RAB3IP: variants seen among roughly 807,000 people sequenced by gnomAD.
RAB3IP encodes the protein RAB3A interacting protein.
RAB3IP carries 36 observed loss-of-function variants against 59.1 expected under a neutral mutation model. The observed-to-expected ratio is 0.61, with a 90% CI of 0.47 to 0.80. The LOEUF (loss-of-function observed/expected upper bound fraction) is 0.80, where lower values mean the gene tolerates loss of function less well. Among genes scored for constraint, RAB3IP ranks in the 30% least tolerant of loss-of-function variants. RAB3IP has a pLI of 0.00. For synonymous variants in RAB3IP, 207 were observed against 191.2 expected, an observed-to-expected ratio of 1.08 and a Z score of -0.68; for missense variants, 511 against 536.0, an observed-to-expected ratio of 0.95 and a Z score of 0.46.
intron 1 of RAB3IP, chr12:69,739,791 T>C: frequency 6.2e-7 from 1 of 1,610,326 alleles, no homozygotes; most frequent in Non-Finnish European, 8.5e-7. Context: ...GCTTACTGGC[T>C]CCAGAAGTGA....
chr12:69,802,136 A>G (rs998113131), intron 8 of RAB3IP, among the ~76,000 whole-genome samples: 16 of 151,866 alleles, frequency 1.1e-4, no homozygotes, highest in Non-Finnish European at 4.4e-5. Flanking sequence ...TTAGTGGGTC[A>G]TAAGTAGAAT....
Position 69,784,799 on chromosome 12 carries a change from C to A in RAB3IP, c.590C>A (p.Thr197Lys). ...CTTGGACAGGAATTGGAAGAACTCA[C>A]AGCTAGTCTATTTGAGGTTGGTCTA... ...DQLGQELEELTASLFEEAHKM... is the reference protein window; with the variant it reads ...DQLGQELEELKASLFEEAHKM... The change falls in exon 4 of 11, where the codon ACA (threonine) becomes AAA (lysine). Residue 197 changes from threonine to lysine, a missense_variant. Coordinates refer to ENST00000247833, the MANE Select transcript of RAB3IP (RefSeq NM_022456.5). 6.2e-7 allele frequency: 1 copy of A among 1,604,868 alleles called. No individual in the cohort carries two copies. The highest frequency in any genetic ancestry group is 8.5e-7 in the Non-Finnish European group (1 of 1,173,732).
intron 8 of RAB3IP, among the ~76,000 whole-genome samples, chr12:69,804,141 T>G (rs527546124): frequency 1.3e-5 from 2 of 152,042 alleles, no homozygotes; most frequent in Admixed American, 1.3e-4. Context: ...CCTATTTCTC[T>G]ACATCCTCTC....
At chr12:69,793,942 C>T (rs983491847) in intron 4 of RAB3IP, among the ~76,000 whole-genome samples, 3 of 152,180 alleles carry the variant, frequency 2.0e-5, no homozygotes, top group African/African-American at 7.2e-5. Flanking sequence ...TTGCTCTTCA[C>T]AAAATTGTCA....
intron 3 of RAB3IP, among the ~76,000 whole-genome samples, chr12:69,782,989 G>A (rs958148793): frequency 6.6e-6 from 1 of 152,042 alleles, no homozygotes; most frequent in African/African-American, 2.4e-5. Flanking sequence ...ACTTAAAAAT[G>A]TTACTTCATT....
At chr12:69,752,204 A>G (rs1001946292) in intron 1 of RAB3IP, among the ~76,000 whole-genome samples, 4 of 151,222 alleles carry the variant, frequency 2.6e-5, no homozygotes, top group African/African-American at 7.3e-5. Context: ...AGATCTCACT[A>G]TGTTGCCCAG....
rs1206830839 is a variant in RAB3IP, at chr12:69,749,347, TCTC to T, written c.-25-6032_-25-6030del. 3.5e-4 allele frequency among the ~76,000 whole-genome samples: 54 copies of T among 152,188 alleles called. 1 individual carries two copies. The highest frequency in any genetic ancestry group is 1.3e-3 in the African/African-American group (52 of 41,428). ...GTGGAACAGTTTCATCCCGAAACCA[TCTC>T]CTCCCACCCTCTGCCCTGTCTGTGG... On this transcript the variant is annotated intron_variant, in intron 1 of 10. Coordinates refer to ENST00000247833, the MANE Select transcript of RAB3IP (RefSeq NM_022456.5).
rs1015996649 is a variant in RAB3IP, at chr12:69,822,328, A to G, written c.*6882A>G. ...TTTGCAGTAGCTTCTTAAACTGCTT[A>G]AACTTTGGATATTGCCCCAGCCAAC... On this transcript the variant is annotated 3_prime_UTR_variant, in exon 11 of 11. Coordinates refer to ENST00000247833, the MANE Select transcript of RAB3IP (RefSeq NM_022456.5). The G allele has an allele frequency of 6.6e-6, 1 of 152,202 alleles. No homozygotes were observed. The highest frequency in any genetic ancestry group is 1.5e-5 in the Non-Finnish European group (1 of 68,046). 9.4% of individuals were successfully genotyped at this position (152,202 alleles called of 1,614,324 possible).
intron 8 of RAB3IP, among the ~76,000 whole-genome samples, chr12:69,807,198 G>C (rs57610564): frequency 4.8e-5 from 7 of 145,510 alleles, no homozygotes; most frequent in East Asian, 2.1e-4. Flanking sequence ...ATCCCAGACA[G>C]TGGGCGGCCA....
chr12:69,751,162 C>T (rs879507195), intron 1 of RAB3IP, among the ~76,000 whole-genome samples: 2 of 152,080 alleles, frequency 1.3e-5, no homozygotes, highest in Non-Finnish European at 1.5e-5. Flanking sequence ...TTTTTAGTGT[C>T]ATTATGACCT....
intron 1 of RAB3IP, among the ~76,000 whole-genome samples, chr12:69,754,746 T>C (rs1488924049): frequency 6.6e-6 from 1 of 152,216 alleles, no homozygotes; most frequent in Non-Finnish European, 1.5e-5. Context: ...ATAAATACAA[T>C]GTTCTCTGTT....
rs1877191378 is a variant in RAB3IP, at chr12:69,794,851, T to G, written c.685-290T>G. Among the ~76,000 whole-genome samples the G allele has an allele frequency of 3.3e-5, 5 of 152,206 alleles. No individual in the cohort carries two copies. The South Asian group carries it at 8.3e-4, about 25-fold the overall frequency. On this transcript the variant is annotated intron_variant, in intron 5 of 10. Transcript: ENST00000247833. ...AGATTTTACTGTTTTAGGAGTGAAC[T>G]TCTACAACTAATCATAAGCTATTAT...
At chr12:69,758,344 C>G (rs554048121) in intron 3 of RAB3IP, among the ~76,000 whole-genome samples, 1 of 152,124 alleles carries the variant, frequency 6.6e-6, no homozygotes, top group Non-Finnish European at 1.5e-5. Context: ...TTTAAATTTA[C>G]CATCTTACTG....
At chr12:69,769,152 G>A (rs1178575452) in intron 3 of RAB3IP, among the ~76,000 whole-genome samples, 1 of 152,198 alleles carries the variant, frequency 6.6e-6, no homozygotes, top group Non-Finnish European at 1.5e-5. Flanking sequence ...CCTCAGCAAT[G>A]TGGGAACTGT....
chr12:69,766,638 A>G (rs1486495632), intron 3 of RAB3IP, among the ~76,000 whole-genome samples: 1 of 151,654 alleles, frequency 6.6e-6, no homozygotes, highest in Non-Finnish European at 1.5e-5. Context: ...CTCCTGCCTC[A>G]GTCTCCCGAA....
At chr12:69,765,205 G>A (rs11614068) in intron 3 of RAB3IP, among the ~76,000 whole-genome samples, 5,736 of 152,210 alleles carry the variant, frequency 0.038, 156 homozygotes, top group Non-Finnish European at 0.061. Context: ...AGTGGGCATC[G>A]TCGTCTTGTT....
intron 3 of RAB3IP, among the ~76,000 whole-genome samples, chr12:69,760,380 G>A (rs554273491): frequency 8.7e-4 from 133 of 152,184 alleles, no homozygotes; most frequent in Middle Eastern, 6.9e-3. Context: ...GAAAGAGAGG[G>A]CGAGGGAGAC....
At chr12:69,800,567 C>T (rs774364463) in intron 7 of RAB3IP, among the ~76,000 whole-genome samples, 2 of 152,088 alleles carry the variant, frequency 1.3e-5, no homozygotes, top group Non-Finnish European at 2.9e-5. Flanking sequence ...ATGTGTACTG[C>T]ATTGGTGTCA....
At chr12:69,765,361 T>G (rs1441773616) in intron 3 of RAB3IP, among the ~76,000 whole-genome samples, 1 of 152,270 alleles carries the variant, frequency 6.6e-6, no homozygotes, top group Non-Finnish European at 1.5e-5. Context: ...ATGTTGGATC[T>G]TATTGAAAGC....
Sources: gnomAD v4.1 joint callset for allele counts (sites outside exome capture counted in the v4.1 genomes callset) on GRCh38, gnomAD v4.1.1 for gene constraint, MANE v1.5 for transcripts, NCBI Gene and HGNC (gene_info 2026-07-23, HGNC 2026-07-21) for gene names.